Variants in GOLGA4 observed in about 807,000 individuals in gnomAD.
The protein encoded by GOLGA4 is golgin A4, also known as golgin subfamily A member 4.
A neutral mutation model predicts 265.9 loss-of-function variants in GOLGA4; 169 were observed. That is an observed-to-expected ratio of 0.64 (90% CI 0.56 to 0.72). The LOEUF (loss-of-function observed/expected upper bound fraction) is 0.72, where lower values mean the gene tolerates loss of function less well. Ranked by LOEUF, GOLGA4 falls within the 30% of genes least tolerant of loss-of-function variation. GOLGA4 has a pLI of 0.00. For missense variants in GOLGA4, 2,482 were observed against 2,483.4 expected, an observed-to-expected ratio of 1.00 and a Z score of 0.01; for synonymous variants, 923 against 855.8, an observed-to-expected ratio of 1.08 and a Z score of -1.37.
chr3:37,326,438 A>G lies in GOLGA4; in HGVS notation c.4552A>G (p.Thr1518Ala). 1 of 1,612,584 alleles carries G rather than the reference A, an allele frequency of 6.2e-7. No individual in the cohort carries two copies. The highest frequency in any genetic ancestry group is 8.5e-7 in the Non-Finnish European group (1 of 1,178,936). Residue 1518 changes from threonine (T) to alanine (A), a missense_variant, in exon 14 of 24, where the codon ACA (threonine) becomes GCA (alanine). Around this residue, in one of 3 missense-constraint regions of GOLGA4, gnomAD observed 942 missense variants for 983.1 expected, o/e 0.96. Transcript: ENST00000361924. ...GGAGAAAAAGGAGTCTAATTTAGAA[A>G]CAGAGTTAAAGTCTCAAACAGCAAG... ...KMEKKESNLE[T>A]ELKSQTARIM... is the part of the protein sequence containing the mutation.
intron 4 of GOLGA4, chr3:37,287,453 A>T (rs2096852693): frequency 6.6e-6 from 1 of 152,272 alleles, no homozygotes; most frequent in South Asian, 2.1e-4. Context: ...AAATTAAAAT[A>T]GTAGGTATTG....
rs2097018868 is a variant in GOLGA4, at chr3:37,337,679, A to G, written c.6341A>G (p.Gln2114Arg). ...TTGTTCTTTCAGACACAGCTAGCAC[A>G]GAAGACGACTTTAATCAGTGATTCG... ...TIMELQTQLAQKTTLISDSKL... is the reference protein window; with the variant it reads ...TIMELQTQLARKTTLISDSKL... The change falls in exon 19 of 24, where the codon CAG becomes CGG. Residue 2114 changes from glutamine (Q) to arginine (R), a missense_variant. By Grantham distance (43) the Gln-to-Arg change is conservative (BLOSUM62 1). Coordinates refer to ENST00000361924, the MANE Select transcript of GOLGA4 (RefSeq NM_002078.5). 4 of 1,611,150 alleles carry G rather than the reference A, an allele frequency of 2.5e-6. No homozygotes were observed. The highest frequency in any genetic ancestry group is 3.4e-6 in the Non-Finnish European group (4 of 1,177,240).
intron 10 of GOLGA4, among the ~76,000 whole-genome samples, chr3:37,311,513 G>C (rs1338862591): frequency 6.6e-6 from 1 of 152,150 alleles, no homozygotes; most frequent in Non-Finnish European, 1.5e-5. Flanking sequence ...AATATGGCAA[G>C]GTATGGATCG....
In GOLGA4 at chr3:37,366,154, A is replaced by T; in HGVS notation, c.*108A>T. ...GCTTGGAAAACTGTCCACACTTGCT[A>T]CTCTTTGAGAATGAAGTTGTCATTC... On this transcript the variant is annotated 3_prime_UTR_variant, in exon 24 of 24. Coordinates refer to ENST00000361924, the MANE Select transcript of GOLGA4 (RefSeq NM_002078.5). 2 of 1,427,726 alleles carry T rather than the reference A, an allele frequency of 1.4e-6. No individual in the cohort carries two copies. Among genetic ancestry groups the T allele is most frequent in the Non-Finnish European group, 1.9e-6 (2 of 1,068,748 alleles). The allele number at this position is 1,427,726 out of a possible 1,614,324, so 88.4% of individuals were successfully genotyped here.
At chr3:37,362,451 A>T (rs1038924755) in intron 23 of GOLGA4, among the ~76,000 whole-genome samples, 1 of 151,382 alleles carries the variant, frequency 6.6e-6, no homozygotes, top group Admixed American at 6.6e-5. Context: ...CGTTTTAGCC[A>T]GGATGGTCTC....
intron 2 of GOLGA4, among the ~76,000 whole-genome samples, chr3:37,252,181 C>T (rs1441721425): frequency 6.6e-6 from 1 of 151,884 alleles, no homozygotes; most frequent in East Asian, 1.9e-4. Context: ...GAAGGTAAAA[C>T]ATAAATGCAC....
chr3:37,318,103 T>C (rs922926280), intron 11 of GOLGA4, among the ~76,000 whole-genome samples: 1 of 152,194 alleles, frequency 6.6e-6, no homozygotes, highest in African/African-American at 2.4e-5. Context: ...CTGAAACTTA[T>C]TTAGTGTAAG....
At chr3:37,258,989 C>T (rs1176791243) in intron 2 of GOLGA4, among the ~76,000 whole-genome samples, 1 of 151,964 alleles carries the variant, frequency 6.6e-6, no homozygotes. Flanking sequence ...AATACAGCCC[C>T]CATGAAACGA....
At chr3:37,304,885 C>T (rs1214352210) in intron 10 of GOLGA4, among the ~76,000 whole-genome samples, 3 of 151,622 alleles carry the variant, frequency 2.0e-5, no homozygotes, top group South Asian at 2.1e-4. Flanking sequence ...TATTTGATAG[C>T]GTAAAGGTTT....
Position 37,282,035 on chromosome 3 carries a change from A to G in GOLGA4, c.240A>G (p.Ile80Met), listed in dbSNP as rs528934116. Reference sequence around the variant, plus strand: ...TGGAGTCTTTGTTTCGAAGTCCGATAAAGGAATCTCTATTCCGGTCTTCTT... The same window carrying G: ...TGGAGTCTTTGTTTCGAAGTCCGATGAAGGAATCTCTATTCCGGTCTTCTT... ...PSVESLFRSP[I>M]KESLFRSSSK... is the part of the protein sequence containing the mutation. The change falls in exon 3 of 24, where the codon ATA becomes ATG. Residue 80 changes from isoleucine (I) to methionine (M), a missense_variant. Physicochemically the swap from Ile to Met is conservative, Grantham distance 10. This residue lies in a region of GOLGA4 where 1,536 missense variants were observed against 1,483.7 expected (regional missense o/e 1.04). Transcript: ENST00000361924. The G allele has an allele frequency of 1.2e-6, 2 of 1,614,022 alleles. No individual in the cohort carries two copies. The highest frequency in any genetic ancestry group is 1.1e-5 in the South Asian group (1 of 91,072).
chr3:37,352,297 A>G (rs541575328), intron 21 of GOLGA4, among the ~76,000 whole-genome samples: 78 of 152,214 alleles, frequency 5.1e-4, no homozygotes, highest in African/African-American at 1.9e-3. Context: ...AAGGGGATGT[A>G]AACACATCCT....
intron 12 of GOLGA4, 38 bp from the exon 13 acceptor site, chr3:37,321,693 A>C: frequency 6.4e-7 from 1 of 1,557,908 alleles, no homozygotes; most frequent in Non-Finnish European, 8.7e-7. Context: ...CTGAAGATTT[A>C]TGTGCGTTTA....
chr3:37,269,885 CTTTTTTTTTTTTTTT>C (rs763272448), intron 2 of GOLGA4, among the ~76,000 whole-genome samples: 2 of 79,028 alleles, frequency 2.5e-5, no homozygotes, highest in African/African-American at 5.4e-5. Context: ...TGTAGGGTAG[CTTTTTTTTTTTTTTT>C]TTTTTTTTTT....
At chr3:37,301,797 AT>A (rs963840716) in intron 9 of GOLGA4, among the ~76,000 whole-genome samples, 7 of 150,976 alleles carry the variant, frequency 4.6e-5, no homozygotes, top group South Asian at 4.2e-4. Flanking sequence ...TTAATTTTTA[AT>A]TTTTTTTTGA....
chr3:37,361,473 A>T (rs1696265132), intron 23 of GOLGA4, among the ~76,000 whole-genome samples, 168 bp downstream of exon 23: 1 of 152,242 alleles, frequency 6.6e-6, no homozygotes, highest in South Asian at 2.1e-4. Flanking sequence ...GATAATAGTT[A>T]AAAATTACTA....
chr3:37,350,608 C>T (rs11922446), intron 21 of GOLGA4, among the ~76,000 whole-genome samples: 30,591 of 151,950 alleles, frequency 0.2, 3,903 homozygotes, highest in Non-Finnish European at 0.29. Context: ...ATGGTTACTA[C>T]TTCATATTTC....
chr3:37,273,543 C>A, intron 2 of GOLGA4: 1 of 1,495,286 alleles, frequency 6.7e-7, no homozygotes, highest in Non-Finnish European at 9.0e-7. Context: ...TAGAATGCAT[C>A]TACTCATGCC....
At chr3:37,314,024 G>A (rs948508593) in intron 10 of GOLGA4, among the ~76,000 whole-genome samples, 3 of 151,258 alleles carry the variant, frequency 2.0e-5, no homozygotes, top group Admixed American at 2.0e-4. Flanking sequence ...GAGTGCAGTG[G>A]CACCATCTTA....
At chr3:37,273,687 C>T (rs2096805169) in intron 2 of GOLGA4, 2 of 736,978 alleles carry the variant, frequency 2.7e-6, no homozygotes, top group Admixed American at 2.0e-5. Context: ...TCTGACTTTA[C>T]ATTGAAATGG....
Sources: allele counts gnomAD v4.1 joint callset (sites outside exome capture counted in the v4.1 genomes callset), GRCh38; gene constraint gnomAD v4.1.1; regional missense constraint gnomAD v4.1.1; transcripts MANE v1.5; gene names NCBI Gene and HGNC (gene_info 2026-07-23, HGNC 2026-07-21).